STAB1: variants seen among roughly 807,000 people sequenced by gnomAD.
STAB1 encodes stabilin-1.
Under a neutral mutation model 332.4 loss-of-function variants are expected in STAB1, and 250 were observed. The ratio of observed to expected loss-of-function variants is 0.75; its 90% CI spans 0.68 to 0.84. The LOEUF (loss-of-function observed/expected upper bound fraction) is 0.84. Ranked by LOEUF, STAB1 falls within the 40% of genes least tolerant of loss-of-function variation. STAB1 has a pLI of 0.00. For synonymous variants in STAB1, 1,475 were observed against 1,390.4 expected (o/e 1.06, Z -1.35); for missense variants, 3,249 against 3,489.7 (o/e 0.93, Z 1.74).
At chr3:52,513,480 C>T (rs138467355) in intron 30 of STAB1, among the ~76,000 whole-genome samples, 299 of 152,328 alleles carry the variant, frequency 2.0e-3, no homozygotes, top group Admixed American at 3.0e-3. Context: ...CATGCACACC[C>T]GCCCCTGTCA....
At chr3:52,505,503 C>G in intron 14 of STAB1, 122 bp downstream of exon 14, 1 of 1,223,816 alleles carries the variant, frequency 8.2e-7, no homozygotes. Flanking sequence ...TCTGCCCATG[C>G]CCCCGTCCTC....
In STAB1 at chr3:52,523,294, T is replaced by C. The variant is rs2079143416; in HGVS notation, c.7093T>C (p.Tyr2365His). The C allele has an allele frequency of 1.2e-6, 2 of 1,612,678 alleles. No homozygotes were observed. Among genetic ancestry groups the C allele is most frequent in the Non-Finnish European group, 1.7e-6 (2 of 1,179,994 alleles). The change falls in exon 64 of 69, where the codon TAT (tyrosine) becomes CAT (histidine). Residue 2365 changes from tyrosine to histidine, a missense_variant. Physicochemically the swap from Tyr to His is moderately conservative, Grantham distance 83 (BLOSUM62 2). Transcript: ENST00000321725. The part of the protein sequence containing the change: ...FLDFLDDELT[Y>H]KTLFVPVNEG... ...GGACTTCCTGGATGATGAGCTCACG[T>C]ATAAGACACTCTTCGTCCCTGTCAA...
At position 52,506,792 on chromosome 3, in the gene STAB1, C is replaced by T. The variant is rs139218437; in HGVS notation, c.1931C>T (p.Pro644Leu). 33 of 1,613,204 alleles carry T rather than the reference C, an allele frequency of 2.0e-5. No individual in the cohort carries two copies. In the Middle Eastern group the frequency reaches 1.8e-3, roughly 89 times the overall value. The change falls in exon 18 of 69, where the codon CCG (proline) becomes CTG (leucine). Residue 644 changes from proline (P) to leucine (L), a missense_variant. Physicochemically the swap from Pro to Leu is moderately conservative, Grantham distance 98. Coordinates refer to ENST00000321725, the MANE Select transcript of STAB1 (RefSeq NM_015136.3). ...IHMLDGILLP[P>L]TILPILPKHC... ...ATGCTGGACGGCATCCTGCTGCCCCCGACCATCCTGCCCATCCTGCCCAAG... is the reference window on the plus strand; with the variant it reads ...ATGCTGGACGGCATCCTGCTGCCCCTGACCATCCTGCCCATCCTGCCCAAG...
intron 21 of STAB1, among the ~76,000 whole-genome samples, chr3:52,508,878 A>G (rs1709085363): frequency 6.6e-6 from 1 of 152,030 alleles, no homozygotes; most frequent in African/African-American, 2.4e-5. Flanking sequence ...ATTTTTTGGC[A>G]TTTATTTCCA....
chr3:52,521,371 C>T lies in STAB1; in HGVS notation c.5919C>T (p.Gly1973=), dbSNP rs770760877. 2.1e-5 allele frequency: 34 copies of T among 1,613,894 alleles called. No homozygotes were observed. The highest frequency in any genetic ancestry group is 1.7e-4 in the Middle Eastern group (1 of 6,050). The change falls in exon 56 of 69, where the codon GGC becomes GGT. Residue 1973 remains glycine (G), a synonymous_variant. Transcript: ENST00000321725. ...CTACCCCATCCCCAGCTTGCCCTGG[C>T]GGCCCCAGCAGCCCTTGTAGTGACC... ...HYGSECQACP[G]GPSSPCSDRG...
intron 3 of STAB1, 89 bp from the exon 4 acceptor site, chr3:52,501,917 G>A: frequency 6.5e-7 from 1 of 1,528,280 alleles, no homozygotes; most frequent in South Asian, 1.1e-5. Context: ...CCTTGGGGGA[G>A]GGGCCGAGTC....
intron 10 of STAB1, 43 bp downstream of exon 10, chr3:52,504,198 C>A: frequency 6.4e-7 from 1 of 1,557,370 alleles, no homozygotes; most frequent in African/African-American, 1.4e-5. Context: ...CCCCTCACCC[C>A]CAGCACAGTT....
intron 48 of STAB1, 67 bp downstream of exon 48, chr3:52,518,936 A>T (rs1257071286): frequency 1.0e-5 from 4 of 401,942 alleles, no homozygotes; most frequent in African/African-American, 1.3e-4. Context: ...CCATTGCCCC[A>T]GGCCCCACGG....
At chr3:52,503,964 G>T in intron 9 of STAB1, 62 bp downstream of exon 9, 9 of 1,611,392 alleles carry the variant, frequency 5.6e-6, no homozygotes, top group Non-Finnish European at 7.6e-6. Context: ...CTGCGGGAAG[G>T]CGTGGGGGGT....
At chr3:52,518,149 C>T in intron 45 of STAB1, 146 bp downstream of exon 45, 5 of 1,483,298 alleles carry the variant, frequency 3.4e-6, no homozygotes, top group African/African-American at 1.4e-5. Context: ...CTGGGCCTGA[C>T]CCCAGCTATG....
In STAB1 at chr3:52,515,082, G is replaced by A. The variant is rs751884557; in HGVS notation, c.3864+37G>A. Reference sequence around the variant, plus strand: ...CTTAGCGCAGCTCTGTCCCTGTGTTGCCTGCCCTCACTTCTTCCAAGGTGC... The same window carrying A: ...CTTAGCGCAGCTCTGTCCCTGTGTTACCTGCCCTCACTTCTTCCAAGGTGC... On this transcript the variant is annotated intron_variant, in intron 36 of 68. Transcript: ENST00000321725. 6 of 1,608,966 alleles carry A rather than the reference G, an allele frequency of 3.7e-6. No homozygotes were observed. In the South Asian group the frequency reaches 5.5e-5, roughly 15 times the overall value.
intron 28 of STAB1, 62 bp downstream of exon 28, chr3:52,512,705 G>A: frequency 6.2e-7 from 1 of 1,612,460 alleles, no homozygotes; most frequent in Non-Finnish European, 8.5e-7. Flanking sequence ...CTGGATGGAG[G>A]GGTGCCATAT....
Position 52,524,306 on chromosome 3 carries a change from C to A in STAB1, c.7663C>A (p.Leu2555Met). 6.2e-7 allele frequency: 1 copy of A among 1,613,944 alleles called. No individual in the cohort carries two copies. The highest frequency in any genetic ancestry group is 8.5e-7 in the Non-Finnish European group (1 of 1,180,012). Residue 2555 changes from leucine to methionine, a missense_variant, in exon 69 of 69, where the codon CTG becomes ATG. Physicochemically the swap from Leu to Met is conservative, Grantham distance 15 (BLOSUM62 2). Transcript: ENST00000321725. ...ACCAACCCTGCTCTTCTAGGACTCA[C>A]TGCTGGAGGAGGACTTCCCTGACAC... Reference protein sequence around the residue: ...DTFCEPFDDSLLEEDFPDTQR... With the variant: ...DTFCEPFDDSMLEEDFPDTQR...
chr3:52,501,360 C>G, intron 2 of STAB1, 58 bp downstream of exon 2: 1 of 1,588,046 alleles, frequency 6.3e-7, no homozygotes, highest in Non-Finnish European at 8.6e-7. Flanking sequence ...GTGGCAGGGA[C>G]TCGGGGAGCC....
intron 46 of STAB1, 54 bp from the exon 47 acceptor site, chr3:52,518,482 C>A: frequency 6.4e-7 from 1 of 1,562,310 alleles, no homozygotes; most frequent in Non-Finnish European, 8.7e-7. Context: ...CCAGGAGATC[C>A]ATGGACGCCT....
At chr3:52,519,670 TC>T in intron 50 of STAB1, 106 bp downstream of exon 50, 1 of 1,475,684 alleles carries the variant, frequency 6.8e-7, no homozygotes, top group Non-Finnish European at 9.3e-7. Context: ...GTGCACACTG[TC>T]CCGTGTGAGC....
intron 3 of STAB1, 68 bp from the exon 4 acceptor site, chr3:52,501,938 C>T: frequency 6.3e-7 from 1 of 1,588,898 alleles, no homozygotes. Context: ...TGGGGTTGGC[C>T]AGAGCTGCTG....
chr3:52,500,402 C>T lies in STAB1; in HGVS notation c.79-764C>T, dbSNP rs114856165. ...CATGGCCCGTTGTCTCCTGTGACTGCCCAGCCCAAACACTTGCAGACCAGA... is the reference window on the plus strand; with the variant it reads ...CATGGCCCGTTGTCTCCTGTGACTGTCCAGCCCAAACACTTGCAGACCAGA... On this transcript the variant is annotated intron_variant, in intron 1 of 68. Coordinates refer to ENST00000321725, the MANE Select transcript of STAB1 (RefSeq NM_015136.3). Among the ~76,000 whole-genome samples, 449 of 152,386 alleles carry T rather than the reference C, an allele frequency of 2.9e-3. 1 individual carries two copies. Among genetic ancestry groups the T allele is most frequent in the Non-Finnish European group, 5.7e-3 (388 of 68,036 alleles).
chr3:52,515,473 G>C lies in STAB1; in HGVS notation c.3915G>C (p.Arg1305=), dbSNP rs2078831232. The C allele has an allele frequency of 6.2e-7, 1 of 1,613,480 alleles. No homozygotes were observed. Among genetic ancestry groups the C allele is most frequent in the African/African-American group, 1.3e-5 (1 of 75,020 alleles). The change falls in exon 37 of 69, where the codon CGG becomes CGC. Residue 1305 remains arginine (R), a synonymous_variant. Transcript: ENST00000321725. Reference sequence around the variant, plus strand: ...ACCGATCTGGCTTCTCCTTCTCCCGGGGCTGCTCTTACACATGTGCCAAGA... The same window carrying C: ...ACCGATCTGGCTTCTCCTTCTCCCGCGGCTGCTCTTACACATGTGCCAAGA... ...CVYRSGFSFS[R]GCSYTCAKKI...
Sources: allele counts gnomAD v4.1 joint callset (sites outside exome capture counted in the v4.1 genomes callset), GRCh38; gene constraint gnomAD v4.1.1; transcripts MANE v1.5; gene names NCBI Gene and HGNC (gene_info 2026-07-23, HGNC 2026-07-21).